Variants in OR5AR1 observed in about 807,000 individuals in gnomAD.
OR5AR1 encodes olfactory receptor family 5 subfamily AR member 1, also known as olfactory receptor 5AR1.
A neutral mutation model predicts 12.3 loss-of-function variants in OR5AR1; 19 were observed. The observed-to-expected ratio is 1.55, with a 90% CI of 1.08 to 2.27. The LOEUF is 2.27. OR5AR1 is among the 30% of genes most tolerant of loss of function. The probability of loss-of-function intolerance (pLI) is 0.00; values close to 1 mark genes in which losing one functional copy is unlikely to be tolerated. For synonymous variants in OR5AR1, 156 were observed against 138.8 expected, an observed-to-expected ratio of 1.12 and a Z score of -0.87; for missense variants, 432 against 378.4, an observed-to-expected ratio of 1.14 and a Z score of -1.18.
At position 56,663,903 on chromosome 11, in the gene OR5AR1, A is replaced by ACT. The variant is rs1345460644; in HGVS notation, c.220_221dup (p.Ser75ProfsTer13). ...AACCTCTCCTTTGTTGACCTGGGCT[A>ACT]CTCCTCAGCCATTGCCCCCAGGATG... On this transcript the variant is annotated frameshift_variant, in exon 1 of 1. Transcript: ENST00000624596. LOFTEE classifies it high-confidence loss of function. The ACT allele has an allele frequency of 6.2e-7, 1 of 1,613,768 alleles. No homozygotes were observed. Among genetic ancestry groups the ACT allele is most frequent in the East Asian group, 2.2e-5 (1 of 44,858 alleles).
Position 56,664,077 on chromosome 11 carries a change from A to G in OR5AR1, c.392A>G (p.His131Arg), listed in dbSNP as rs1342337255. 1 of 1,613,770 alleles carries G rather than the reference A, an allele frequency of 6.2e-7. No homozygotes were observed. The highest frequency in any genetic ancestry group is 8.5e-7 in the Non-Finnish European group (1 of 1,179,946). The change falls in exon 1 of 1, where the codon CAC becomes CGC. Residue 131 changes from histidine (H) to arginine (R), a missense_variant. Coordinates refer to ENST00000624596, the MANE Select transcript of OR5AR1 (RefSeq NM_001004730.1). The stretch of plus-strand genomic sequence containing the variant: ...TTTGTGGCCATTTGTCGACCCCTCC[A>G]CTATAGCACCTTCATGTCCAAGCAG... The part of the protein sequence containing the change: ...GRFVAICRPL[H>R]YSTFMSKQVC...
chr11:56,663,863 T>A lies in OR5AR1; in HGVS notation c.178T>A (p.Tyr60Asn), dbSNP rs562747456. Residue 60 changes from tyrosine (Y) to asparagine (N), a missense_variant, in exon 1 of 1, where the codon TAT (tyrosine) becomes AAT (asparagine). Transcript: ENST00000624596. ...AGACACTCAGCTTCACACACCCATGTATTTTTTCCTCTGCAACCTCTCCTT... is the reference window on the plus strand; with the variant it reads ...AGACACTCAGCTTCACACACCCATGAATTTTTTCCTCTGCAACCTCTCCTT... ...TTDTQLHTPM[Y>N]FFLCNLSFVD... is the part of the protein sequence containing the mutation. 115 of 1,614,138 alleles carry A rather than the reference T, an allele frequency of 7.1e-5. 1 individual carries two copies. The South Asian group carries it at 1.2e-3, about 17-fold the overall frequency.
At position 56,664,215 on chromosome 11, in the gene OR5AR1, T is replaced by A. The variant is rs150455002; in HGVS notation, c.530T>A (p.Phe177Tyr). The change falls in exon 1 of 1, where the codon TTC (phenylalanine) becomes TAC (tyrosine). Residue 177 changes from phenylalanine (F) to tyrosine (Y), a missense_variant. Physicochemically the swap from Phe to Tyr is conservative, Grantham distance 22. Transcript: ENST00000624596. The stretch of plus-strand genomic sequence containing the variant: ...TGTGGTTCCAATATCATCAATCATT[T>A]CTTCTGCGAAATCCCACCACTCTTG... ...SYCGSNIINH[F>Y]FCEIPPLLAL... The A allele has an allele frequency of 3.8e-4, 609 of 1,614,002 alleles. 1 individual carries two copies. The highest frequency in any genetic ancestry group is 4.8e-4 in the Non-Finnish European group (568 of 1,180,018).
In OR5AR1 at chr11:56,663,845, C is replaced by T; in HGVS notation, c.160C>T (p.Gln54Ter). 2 of 1,614,068 alleles carry T rather than the reference C, an allele frequency of 1.2e-6. No individual in the cohort carries two copies. Among genetic ancestry groups the T allele is most frequent in the Non-Finnish European group, 8.5e-7 (1 of 1,179,976 alleles). Residue 54 changes from glutamine to a stop codon, truncating the protein, a stop_gained, in exon 1 of 1, where the codon CAG (glutamine) becomes TAG (stop). Transcript: ENST00000624596. LOFTEE classifies it high-confidence loss of function. ...GMIILITTDTQLHTPMYFFLC... is the reference protein window; with the variant it reads ...GMIILITTDT ...GATTATCCTGATTACAACAGACACT[C>T]AGCTTCACACACCCATGTATTTTTT... is the stretch of plus-strand genomic sequence containing the variant.
chr11:56,664,532 C>T lies in OR5AR1; in HGVS notation c.847C>T (p.Pro283Ser), dbSNP rs1341522509. 1.2e-6 allele frequency: 2 copies of T among 1,613,900 alleles called. No individual in the cohort carries two copies. The highest frequency in any genetic ancestry group is 1.7e-6 in the Non-Finnish European group (2 of 1,179,908). The change falls in exon 1 of 1, where the codon CCC becomes TCC. Residue 283 changes from proline (P) to serine (S), a missense_variant. Pro to Ser is a moderately conservative substitution (Grantham distance 74). Coordinates refer to ENST00000624596, the MANE Select transcript of OR5AR1 (RefSeq NM_001004730.1). ...CTCTGTGTTCTACACGGTTATCATC[C>T]CCATGTTAAATCCCTTGATCTACAG... ...WASVFYTVIIPMLNPLIYSLR... is the reference protein window; with the variant it reads ...WASVFYTVIISMLNPLIYSLR...
rs757710152 is a variant in OR5AR1 at position 56,664,047 on chromosome 11, G to T, written c.362G>T (p.Gly121Val). 1 of 1,613,798 alleles carries T rather than the reference G, an allele frequency of 6.2e-7. No individual in the cohort carries two copies. Reference sequence around the variant, plus strand: ...TATGTCCTGGCAGCCATGGCCTATGGTCGTTTTGTGGCCATTTGTCGACCC... The same window carrying T: ...TATGTCCTGGCAGCCATGGCCTATGTTCGTTTTGTGGCCATTTGTCGACCC... ...ECYVLAAMAY[G>V]RFVAICRPLH... Residue 121 changes from glycine to valine, a missense_variant, in exon 1 of 1, where the codon GGT becomes GTT. By Grantham distance (109) the Gly-to-Val change is moderately radical. Coordinates refer to ENST00000624596, the MANE Select transcript of OR5AR1 (RefSeq NM_001004730.1).
rs1312909326 is a variant in OR5AR1, at chr11:56,664,383, G to A, written c.698G>A (p.Gly233Asp). 1 of 1,613,908 alleles carries A rather than the reference G, an allele frequency of 6.2e-7. No individual in the cohort carries two copies. The highest frequency in any genetic ancestry group is 8.5e-7 in the Non-Finnish European group (1 of 1,179,976). ...ATCATCAGAATGCGTTCAGCTGAAGGCCGCCTTAAGGCTTTCTCCACCTGC... is the reference window on the plus strand; with the variant it reads ...ATCATCAGAATGCGTTCAGCTGAAGACCGCCTTAAGGCTTTCTCCACCTGC... ...VAIIRMRSAE[G>D]RLKAFSTCGS... Residue 233 changes from glycine to aspartate, a missense_variant, in exon 1 of 1, where the codon GGC becomes GAC. Coordinates refer to ENST00000624596, the MANE Select transcript of OR5AR1 (RefSeq NM_001004730.1).
rs947659594 is a variant in OR5AR1 at position 56,664,321 on chromosome 11, C to T, written c.636C>T (p.Leu212=). The T allele has an allele frequency of 6.2e-7, 1 of 1,614,042 alleles. No homozygotes were observed. The highest frequency in any genetic ancestry group is 1.3e-5 in the African/African-American group (1 of 74,924). ...LCGFIEFSTI[L]IIFISYTFIL... is the part of the protein sequence containing the mutation. ...GCTTCATTGAATTCAGCACCATCCT[C>T]ATCATCTTCATCTCCTATACCTTTA... The change falls in exon 1 of 1, where the codon CTC becomes CTT. Residue 212 remains leucine (L), a synonymous_variant. Coordinates refer to ENST00000624596, the MANE Select transcript of OR5AR1 (RefSeq NM_001004730.1).
Position 56,664,408 on chromosome 11 carries a change from C to A in OR5AR1, c.723C>A (p.Cys241Ter). 3 of 1,614,046 alleles carry A rather than the reference C, an allele frequency of 1.9e-6. No individual in the cohort carries two copies. The highest frequency in any genetic ancestry group is 2.5e-6 in the Non-Finnish European group (3 of 1,180,002). ...AEGRLKAFST[C>*]GSHLTGITLF... ...GCCGCCTTAAGGCTTTCTCCACCTG[C>A]GGGTCTCACCTTACTGGCATCACCC... The change falls in exon 1 of 1, where the codon TGC becomes TGA. Residue 241 changes from cysteine to a stop codon, truncating the protein, a stop_gained. Coordinates refer to ENST00000624596, the MANE Select transcript of OR5AR1 (RefSeq NM_001004730.1). LOFTEE classifies it high-confidence loss of function.
In OR5AR1 at chr11:56,664,543, T is replaced by G. The variant is rs150557310; in HGVS notation, c.858T>G (p.Asn286Lys). Residue 286 changes from asparagine to lysine, a missense_variant, in exon 1 of 1, where the codon AAT (asparagine) becomes AAG (lysine). By Grantham distance (94) the Asn-to-Lys change is moderately conservative. Coordinates refer to ENST00000624596, the MANE Select transcript of OR5AR1 (RefSeq NM_001004730.1). ...ACACGGTTATCATCCCCATGTTAAA[T>G]CCCTTGATCTACAGTTTGCGGAACA... ...VFYTVIIPML[N>K]PLIYSLRNKD... 1 of 1,613,830 alleles carries G rather than the reference T, an allele frequency of 6.2e-7. No homozygotes were observed. The highest frequency in any genetic ancestry group is 8.5e-7 in the Non-Finnish European group (1 of 1,179,956).
chr11:56,664,325 A>G lies in OR5AR1; in HGVS notation c.640A>G (p.Ile214Val), dbSNP rs760067270. The G allele has an allele frequency of 6.2e-6, 10 of 1,613,904 alleles. No homozygotes were observed. The highest frequency in any genetic ancestry group is 8.5e-6 in the Non-Finnish European group (10 of 1,180,016). Reference sequence around the variant, plus strand: ...CATTGAATTCAGCACCATCCTCATCATCTTCATCTCCTATACCTTTATCCT... The same window carrying G: ...CATTGAATTCAGCACCATCCTCATCGTCTTCATCTCCTATACCTTTATCCT... ...GFIEFSTILI[I>V]FISYTFILVA... Residue 214 changes from isoleucine to valine, a missense_variant, in exon 1 of 1, where the codon ATC becomes GTC. Ile to Val is a conservative substitution (Grantham distance 29, BLOSUM62 3). Transcript: ENST00000624596.
At position 56,664,411 on chromosome 11, in the gene OR5AR1, G is replaced by A. The variant is rs1375219767; in HGVS notation, c.726G>A (p.Gly242=). ...EGRLKAFSTC[G]SHLTGITLFY... ...GCCTTAAGGCTTTCTCCACCTGCGG[G>A]TCTCACCTTACTGGCATCACCCTCT... Residue 242 remains glycine, a synonymous_variant, in exon 1 of 1, where the codon GGG becomes GGA. Transcript: ENST00000624596. 6.2e-7 allele frequency: 1 copy of A among 1,613,938 alleles called. No homozygotes were observed. Among genetic ancestry groups the A allele is most frequent in the Non-Finnish European group, 8.5e-7 (1 of 1,180,028 alleles).
Position 56,664,348 on chromosome 11 carries a change from C to A in OR5AR1, c.663C>A (p.Ile221=). ...ILIIFISYTF[I]LVAIIRMRSA... The stretch of plus-strand genomic sequence containing the variant: ...TCATCTTCATCTCCTATACCTTTAT[C>A]CTTGTTGCAATCATCAGAATGCGTT... The change falls in exon 1 of 1, where the codon ATC becomes ATA. Residue 221 remains isoleucine, a synonymous_variant. Transcript: ENST00000624596. 6.2e-7 allele frequency: 1 copy of A among 1,614,104 alleles called. No individual in the cohort carries two copies. Among genetic ancestry groups the A allele is most frequent in the Non-Finnish European group, 8.5e-7 (1 of 1,180,026 alleles).
Position 56,664,465 on chromosome 11 carries a change from G to A in OR5AR1, c.780G>A (p.Leu260=). 6.2e-7 allele frequency: 1 copy of A among 1,614,072 alleles called. No homozygotes were observed. The highest frequency in any genetic ancestry group is 8.5e-7 in the Non-Finnish European group (1 of 1,180,020). ...ATGGCACAGTCATGTTTATGTACCT[G>A]AGGCCAACATCCAGCTACTCCCTGG... ...LFYGTVMFMY[L]RPTSSYSLDQ... Residue 260 remains leucine, a synonymous_variant, in exon 1 of 1, where the codon CTG becomes CTA. Transcript: ENST00000624596.
Position 56,664,431 on chromosome 11 carries a change from C to A in OR5AR1, c.746C>A (p.Thr249Asn), listed in dbSNP as rs1333835283. 2 of 1,614,040 alleles carry A rather than the reference C, an allele frequency of 1.2e-6. No homozygotes were observed. The highest frequency in any genetic ancestry group is 2.2e-5 in the East Asian group (1 of 44,884). The part of the protein sequence containing the change: ...STCGSHLTGI[T>N]LFYGTVMFMY... Reference sequence around the variant, plus strand: ...TGCGGGTCTCACCTTACTGGCATCACCCTCTTCTATGGCACAGTCATGTTT... The same window carrying A: ...TGCGGGTCTCACCTTACTGGCATCAACCTCTTCTATGGCACAGTCATGTTT... Residue 249 changes from threonine (T) to asparagine (N), a missense_variant, in exon 1 of 1, where the codon ACC (threonine) becomes AAC (asparagine). Transcript: ENST00000624596.
Position 56,664,000 on chromosome 11 carries a change from A to G in OR5AR1, c.315A>G (p.Val105=). 1.9e-6 allele frequency: 3 copies of G among 1,613,822 alleles called. No homozygotes were observed. The highest frequency in any genetic ancestry group is 8.5e-7 in the Non-Finnish European group (1 of 1,179,954). The change falls in exon 1 of 1, where the codon GTA becomes GTG. Residue 105 remains valine, a synonymous_variant. Coordinates refer to ENST00000624596, the MANE Select transcript of OR5AR1 (RefSeq NM_001004730.1). ...SSCATQFAFF[V]GFVDAECYVL... ...GTGCCACCCAGTTTGCTTTTTTTGT[A>G]GGTTTTGTGGATGCTGAGTGCTATG...
In OR5AR1 at chr11:56,663,840, A is replaced by G. The variant is rs375825619; in HGVS notation, c.155A>G (p.Asp52Gly). Residue 52 changes from aspartate to glycine, a missense_variant, in exon 1 of 1, where the codon GAC becomes GGC. Asp to Gly is a moderately conservative substitution (Grantham distance 94). Coordinates refer to ENST00000624596, the MANE Select transcript of OR5AR1 (RefSeq NM_001004730.1). ...NIGMIILITT[D>G]TQLHTPMYFF... Reference sequence around the variant, plus strand: ...GGTATGATTATCCTGATTACAACAGACACTCAGCTTCACACACCCATGTAT... The same window carrying G: ...GGTATGATTATCCTGATTACAACAGGCACTCAGCTTCACACACCCATGTAT... The G allele has an allele frequency of 4.3e-6, 7 of 1,613,924 alleles. No homozygotes were observed. In the South Asian group the frequency reaches 5.5e-5, roughly 13 times the overall value.
rs768492611 is a variant in OR5AR1, at chr11:56,663,918, C to G, written c.233C>G (p.Ala78Gly). The change falls in exon 1 of 1, where the codon GCC (alanine) becomes GGC (glycine). Residue 78 changes from alanine to glycine, a missense_variant. By Grantham distance (60) the Ala-to-Gly change is moderately conservative (BLOSUM62 0). Coordinates refer to ENST00000624596, the MANE Select transcript of OR5AR1 (RefSeq NM_001004730.1). The part of the protein sequence containing the change: ...FVDLGYSSAI[A>G]PRMLADFLTN... ...GACCTGGGCTACTCCTCAGCCATTG[C>G]CCCCAGGATGCTGGCTGACTTCCTA... is the stretch of plus-strand genomic sequence containing the variant. 1 of 1,613,798 alleles carries G rather than the reference C, an allele frequency of 6.2e-7. No individual in the cohort carries two copies. The highest frequency in any genetic ancestry group is 8.5e-7 in the Non-Finnish European group (1 of 1,179,728).
In OR5AR1 at chr11:56,663,782, A is replaced by G. The variant is rs139811815; in HGVS notation, c.97A>G (p.Ile33Val). 2.5e-6 allele frequency: 4 copies of G among 1,613,528 alleles called. No homozygotes were observed. The highest frequency in any genetic ancestry group is 2.2e-5 in the East Asian group (1 of 44,860). ...MEIIFFVVFL[I>V]VYLVNVVGNI... ...GATCATCTTCTTCGTGGTCTTCCTC[A>G]TAGTTTACCTGGTTAATGTAGTGGG... The change falls in exon 1 of 1, where the codon ATA becomes GTA. Residue 33 changes from isoleucine to valine, a missense_variant. Physicochemically the swap from Ile to Val is conservative, Grantham distance 29. Transcript: ENST00000624596.
Sources: gnomAD v4.1 joint callset for allele counts on GRCh38, gnomAD v4.1.1 for gene constraint, MANE v1.5 for transcripts, NCBI Gene and HGNC (gene_info 2026-07-23, HGNC 2026-07-21) for gene names.